Variants in BCAS3 observed in about 807,000 individuals in gnomAD.
BCAS3 encodes the protein BCAS4/BCAS3 fusion.
In BCAS3, 53 loss-of-function variants were observed where a neutral mutation model predicts 116.1. The observed-to-expected ratio is 0.46, with a 90% CI of 0.37 to 0.57. The LOEUF (loss-of-function observed/expected upper bound fraction) is 0.57, where lower values mean the gene tolerates loss of function less well. BCAS3 is among the 20% of genes least tolerant of loss of function. The pLI, the probability that BCAS3 is intolerant of heterozygous loss-of-function variation, is 0.00. For missense variants in BCAS3, 917 were observed against 1,165.4 expected (o/e 0.79, Z 3.10); for synonymous variants, 391 against 408.2 (o/e 0.96, Z 0.51).
chr17:61,050,645 A>C (rs1395032073), intron 19 of BCAS3, among the ~76,000 whole-genome samples: 1 of 152,046 alleles, frequency 6.6e-6, no homozygotes, highest in Non-Finnish European at 1.5e-5. Flanking sequence ...AGAGCATGTA[A>C]TTCTAACCAT....
rs1176756514 is a variant in BCAS3, at chr17:61,315,296, G to T, written c.2426-53031G>T. The stretch of plus-strand genomic sequence containing the variant: ...CACCCGGCTAATTTTTGTATTTTTA[G>T]TAGAGACAGGGTTTCACCATGTTGG... On this transcript the variant is annotated intron_variant, in intron 22 of 23. Coordinates refer to ENST00000407086, the MANE Select transcript of BCAS3 (RefSeq NM_017679.5). The surrounding 1 kb of genome is among the most constrained non-coding windows in gnomAD (Gnocchi z 5.3). 6.6e-6 allele frequency among the ~76,000 whole-genome samples: 1 copy of T among 152,002 alleles called. No individual in the cohort carries two copies. Among genetic ancestry groups the T allele is most frequent in the Admixed American group, 6.6e-5 (1 of 15,258 alleles).
chr17:61,018,519 C>T (rs2065642989), intron 16 of BCAS3, among the ~76,000 whole-genome samples: 1 of 152,028 alleles, frequency 6.6e-6, no homozygotes, highest in African/African-American at 2.4e-5. Context: ...CTAGGCTGGT[C>T]TTGAATTCCT....
intron 14 of BCAS3, among the ~76,000 whole-genome samples, chr17:60,966,518 G>T (rs964831191): frequency 1.3e-4 from 19 of 151,964 alleles, no homozygotes; most frequent in South Asian, 4.1e-4. Flanking sequence ...GTTACCAGGA[G>T]GCTTATAGAG....
chr17:61,090,363 A>C (rs1452461959), intron 22 of BCAS3, among the ~76,000 whole-genome samples: 1 of 152,222 alleles, frequency 6.6e-6, no homozygotes, highest in Non-Finnish European at 1.5e-5. Flanking sequence ...GGGATCAGTA[A>C]GAAGATTAAG....
chr17:60,778,230 CTGTA>C (rs1427604369), intron 6 of BCAS3, among the ~76,000 whole-genome samples: 1 of 151,546 alleles, frequency 6.6e-6, no homozygotes, highest in Non-Finnish European at 1.5e-5. Context: ...CTTAGTAAAT[CTGTA>C]ACACTATGGT....
At chr17:60,747,003 G>A (rs1300023140) in intron 5 of BCAS3, among the ~76,000 whole-genome samples, 195 bp from the exon 6 acceptor site, 1 of 151,988 alleles carries the variant, frequency 6.6e-6, no homozygotes, top group East Asian at 1.9e-4. Flanking sequence ...TGCTCTTACA[G>A]TTTTCTAAAA....
intron 14 of BCAS3, among the ~76,000 whole-genome samples, chr17:60,970,700 A>T (rs1467632694): frequency 6.6e-6 from 1 of 152,214 alleles, no homozygotes; most frequent in African/African-American, 2.4e-5. Context: ...TTTGGGCTGT[A>T]TGATAAAAAA....
intron 7 of BCAS3, among the ~76,000 whole-genome samples, chr17:60,835,595 A>C (rs1352271628): frequency 2.0e-5 from 3 of 152,070 alleles, no homozygotes; most frequent in South Asian, 4.1e-4. Flanking sequence ...CTTTTTTAAA[A>C]TTTGAAGATT....
At chr17:61,357,068 G>A (rs779013725) in intron 22 of BCAS3, 12 of 151,332 alleles carry the variant, frequency 7.9e-5, no homozygotes, top group African/African-American at 1.5e-4. Context: ...TTTGTCTCTC[G>A]ACTTTTTCTT....
At chr17:60,921,146 C>T (rs531881074) in intron 12 of BCAS3, among the ~76,000 whole-genome samples, 2 of 152,210 alleles carry the variant, frequency 1.3e-5, no homozygotes, top group Admixed American at 6.5e-5. Context: ...ATAGCAAAGA[C>T]ATGGAATCAG....
intron 4 of BCAS3, among the ~76,000 whole-genome samples, chr17:60,695,923 C>G (rs1050691227): frequency 2.0e-5 from 3 of 152,088 alleles, no homozygotes; most frequent in African/African-American, 7.2e-5. Flanking sequence ...AAATAATCTA[C>G]TCATGGATCT....
chr17:61,269,817 T>TA (rs1017770931), intron 22 of BCAS3, among the ~76,000 whole-genome samples: 5 of 151,420 alleles, frequency 3.3e-5, no homozygotes, highest in Non-Finnish European at 5.9e-5. Flanking sequence ...TTTTTTTTTT[T>TA]AATTAAGACA....
chr17:61,209,602 C>T (rs1252146704), intron 22 of BCAS3, among the ~76,000 whole-genome samples: 2 of 152,178 alleles, frequency 1.3e-5, no homozygotes, highest in East Asian at 1.9e-4. Context: ...TGTGCCCATT[C>T]TTGGCGTGGC....
chr17:60,749,453 T>G (rs973242223), intron 6 of BCAS3, among the ~76,000 whole-genome samples: 8 of 152,222 alleles, frequency 5.3e-5, no homozygotes, highest in Admixed American at 5.2e-4. Flanking sequence ...CTGGACCGTT[T>G]TAATTTGGAA....
At chr17:60,837,257 A>G (rs970519493) in intron 7 of BCAS3, among the ~76,000 whole-genome samples, 2 of 152,228 alleles carry the variant, frequency 1.3e-5, no homozygotes, top group African/African-American at 4.8e-5. Flanking sequence ...CTAAACATCC[A>G]CAACCTTGTT....
intron 10 of BCAS3, among the ~76,000 whole-genome samples, chr17:60,890,513 C>G (rs1276176494): frequency 2.0e-5 from 3 of 151,802 alleles, no homozygotes; most frequent in Non-Finnish European, 4.4e-5. Flanking sequence ...ACAACTATAT[C>G]TAAATAAGGG....
In BCAS3 at chr17:61,189,780, T is replaced by A. The variant is rs1179099019; in HGVS notation, c.2425+105216T>A. ...GAAGAGAGAATGTAAGAGAAGCGGT[T>A]TAAAGAGGAGCTCAATCCTTTTAGG... On this transcript the variant is annotated intron_variant, in intron 22 of 23. Transcript: ENST00000407086. This position sits in a 1 kb window ranked among gnomAD's most constrained non-coding sequence, Gnocchi z 4.5. Among the ~76,000 whole-genome samples the A allele has an allele frequency of 6.6e-6, 1 of 152,146 alleles. No individual in the cohort carries two copies. Among genetic ancestry groups the A allele is most frequent in the Non-Finnish European group, 1.5e-5 (1 of 68,022 alleles).
chr17:61,000,364 C>G (rs1257305828), intron 15 of BCAS3, among the ~76,000 whole-genome samples: 1 of 152,116 alleles, frequency 6.6e-6, no homozygotes, highest in African/African-American at 2.4e-5. Flanking sequence ...ATTGGAGGAC[C>G]TGGAATCAGA....
chr17:61,268,614 A>G (rs2049965672), intron 22 of BCAS3, among the ~76,000 whole-genome samples: 1 of 151,516 alleles, frequency 6.6e-6, no homozygotes, highest in South Asian at 2.1e-4. Context: ...ACACAGCCTC[A>G]TTCTGTCGCC....
Sources: allele counts gnomAD v4.1 joint callset (sites outside exome capture counted in the v4.1 genomes callset), GRCh38; gene constraint gnomAD v4.1.1; non-coding constraint Gnocchi (gnomAD v3.1); transcripts MANE v1.5; gene names NCBI Gene and HGNC (gene_info 2026-07-23, HGNC 2026-07-21).